Variants in HIVEP1 observed in about 807,000 individuals in gnomAD.
HIVEP1 encodes HIVEP zinc finger 1, also known as zinc finger protein 40.
Under a neutral mutation model 180.0 loss-of-function variants are expected in HIVEP1, and 36 were observed. The observed-to-expected ratio is 0.20, with a 90% CI of 0.15 to 0.26. The LOEUF (loss-of-function observed/expected upper bound fraction) is 0.26. Among genes scored for constraint, HIVEP1 ranks in the 10% least tolerant of loss-of-function variants. The pLI is 1.00. For missense variants in HIVEP1, 3,143 were observed against 3,268.7 expected (o/e 0.96, Z 0.94); for synonymous variants, 1,239 against 1,239.0 (o/e 1.00, Z 0.00).
intron 2 of HIVEP1, among the ~76,000 whole-genome samples, chr6:12,054,709 T>A (rs1333252516): frequency 6.6e-6 from 1 of 152,244 alleles, no homozygotes; most frequent in African/African-American, 2.4e-5. Flanking sequence ...TTTATTTGGT[T>A]ATCGTGGAAC....
At chr6:12,167,860 TATA>T (rs988712749), downstream of HIVEP1, among the ~76,000 whole-genome samples, 4 of 144,500 alleles carry the variant, frequency 2.8e-5, no homozygotes, top group Admixed American at 2.1e-4. Context: ...GATGTGCGTA[TATA>T]ATATATACAC....
chr6:12,054,704 T>C (rs980170209), intron 2 of HIVEP1, among the ~76,000 whole-genome samples: 8 of 152,234 alleles, frequency 5.3e-5, no homozygotes, highest in Non-Finnish European at 1.0e-4. Flanking sequence ...TCCATTTTAT[T>C]TGGTTATCGT....
chr6:12,021,585 G>A (rs1768214275), intron 2 of HIVEP1, among the ~76,000 whole-genome samples: 1 of 152,066 alleles, frequency 6.6e-6, no homozygotes, highest in African/African-American at 2.4e-5. Context: ...TCTTCTCCAG[G>A]TCTCTTATCT....
chr6:12,046,767 GAC>G (rs1166379464), intron 2 of HIVEP1, among the ~76,000 whole-genome samples: 1 of 148,328 alleles, frequency 6.7e-6, no homozygotes, highest in Non-Finnish European at 1.5e-5. Context: ...GACAGAGCGA[GAC>G]TCTGTCTCAA....
intron 7 of HIVEP1, among the ~76,000 whole-genome samples, chr6:12,149,899 T>G (rs1759599322): frequency 1.3e-5 from 2 of 152,194 alleles, no homozygotes; most frequent in African/African-American, 2.4e-5. Context: ...TTTACCACCC[T>G]TAGCAACAGC....
At chr6:12,011,270 T>TGCCCCCCCCCCCCCC, upstream of HIVEP1, among the ~76,000 whole-genome samples, 1 of 71,632 alleles carries the variant, frequency 1.4e-5, no homozygotes, top group South Asian at 5.3e-4. Flanking sequence ...CCCCTTGGGG[T>TGCCCCCCCCCCCCCC]CCCCCCCCCC....
chr6:12,135,545 A>G (rs891142791), intron 6 of HIVEP1, among the ~76,000 whole-genome samples: 1 of 152,224 alleles, frequency 6.6e-6, no homozygotes, highest in Admixed American at 6.5e-5. Context: ...GAGAATAGAA[A>G]ACATAAGGTA....
chr6:12,169,926 C>T (rs148393458), downstream of HIVEP1, among the ~76,000 whole-genome samples: 1,825 of 152,096 alleles, frequency 0.012, 44 homozygotes, highest in African/African-American at 0.042. Flanking sequence ...AGAGACCATC[C>T]TGGCTAACAC....
intron 1 of HIVEP1, among the ~76,000 whole-genome samples, chr6:12,013,605 A>G (rs531382994): frequency 2.0e-4 from 31 of 152,340 alleles, no homozygotes; most frequent in Non-Finnish European, 3.1e-4. Context: ...CACGCTTTAA[A>G]AACTTCCAAA....
downstream of HIVEP1, among the ~76,000 whole-genome samples, chr6:12,165,351 T>C (rs1760673139): frequency 6.6e-6 from 1 of 152,214 alleles, no homozygotes; most frequent in Admixed American, 6.5e-5. Flanking sequence ...CCTTAGAATT[T>C]GGCTCAGATG....
intron 2 of HIVEP1, among the ~76,000 whole-genome samples, chr6:12,062,828 T>G (rs1318582776): frequency 1.3e-5 from 2 of 152,220 alleles, no homozygotes; most frequent in Non-Finnish European, 2.9e-5. Flanking sequence ...ACTGTCATTT[T>G]GCGTATTGAA....
chr6:12,099,402 G>A (rs1016791172), intron 3 of HIVEP1, among the ~76,000 whole-genome samples: 2 of 151,958 alleles, frequency 1.3e-5, no homozygotes, highest in Admixed American at 6.5e-5. Context: ...TCCTGACCTC[G>A]TGATCCGCCC....
chr6:12,104,425 CTTTT>C (rs70981665), intron 3 of HIVEP1, among the ~76,000 whole-genome samples: 273 of 72,706 alleles, frequency 3.8e-3, no homozygotes, highest in Non-Finnish European at 5.6e-3. Flanking sequence ...CTTTTCTTTC[CTTTT>C]TTTTTTTTTT....
downstream of HIVEP1, among the ~76,000 whole-genome samples, chr6:12,168,312 T>TATTATATAATTA: frequency 8.2e-5 from 1 of 12,218 alleles, no homozygotes; most frequent in South Asian, 2.1e-3. Context: ...TATACATATA[T>TATTATATAATTA]TATATACATA....
In HIVEP1 at chr6:12,164,582, G is replaced by T; in HGVS notation, c.*121G>T. On this transcript the variant is annotated 3_prime_UTR_variant, in exon 9 of 9. Coordinates refer to ENST00000379388, the MANE Select transcript of HIVEP1 (RefSeq NM_002114.4). ...TCATGACTAATCTTTGTGCAATCAT[G>T]AACTTTTGACCAATAATTGTTGTTT... The T allele has an allele frequency of 1.3e-6, 1 of 791,068 alleles. No individual in the cohort carries two copies. The highest frequency in any genetic ancestry group is 1.9e-6 in the Non-Finnish European group (1 of 516,196). The allele number at this position is 791,068 out of a possible 1,614,324, so 49.0% of individuals were successfully genotyped here. A position where few individuals can be genotyped will look rare whatever the true frequency, so the allele number is the denominator to read the frequency against.
chr6:12,096,471 T>C (rs946216701), intron 3 of HIVEP1, among the ~76,000 whole-genome samples: 1 of 151,838 alleles, frequency 6.6e-6, no homozygotes, highest in Non-Finnish European at 1.5e-5. Flanking sequence ...TGAACTCTAA[T>C]TGGTGTGTCA....
intron 2 of HIVEP1, among the ~76,000 whole-genome samples, chr6:12,025,663 G>C (rs1015527500): frequency 6.6e-6 from 1 of 152,188 alleles, no homozygotes; most frequent in African/African-American, 2.4e-5. Flanking sequence ...TTGTCTTCAT[G>C]TGGTAGGTAC....
At position 12,112,210 on chromosome 6, in the gene HIVEP1, GTAGTGTAAAAA is replaced by G. The variant is rs1168284015; in HGVS notation, c.95-7677_95-7667del. 4.6e-5 allele frequency among the ~76,000 whole-genome samples: 7 copies of G among 151,752 alleles called. No individual in the cohort carries two copies. In the South Asian group the frequency reaches 1.2e-3, roughly 27 times the overall value. On this transcript the variant is annotated intron_variant, in intron 3 of 8. Coordinates refer to ENST00000379388, the MANE Select transcript of HIVEP1 (RefSeq NM_002114.4). The stretch of plus-strand genomic sequence containing the variant: ...GGTTGGACAATTTTTTTTTCTTTCA[GTAGTGTAAAAA>G]TATCACACCATGGTTTCCGTTGAGA...
chr6:12,162,781 A>G (rs1760488416), intron 8 of HIVEP1, among the ~76,000 whole-genome samples: 2 of 152,244 alleles, frequency 1.3e-5, no homozygotes, highest in Admixed American at 1.3e-4. Context: ...GTGATAGACA[A>G]ACAACCAGAG....
Sources: gnomAD v4.1 joint callset for allele counts (sites outside exome capture counted in the v4.1 genomes callset) on GRCh38, gnomAD v4.1.1 for gene constraint, MANE v1.5 for transcripts, NCBI Gene and HGNC (gene_info 2026-07-23, HGNC 2026-07-21) for gene names.